Variants in ASTN2 observed in about 807,000 individuals in gnomAD.
ASTN2 encodes the protein astrotactin 2, also known as astrotactin-2.
ASTN2 carries 54 observed loss-of-function variants against 139.8 expected under a neutral mutation model. That is an observed-to-expected ratio of 0.39 (90% CI 0.31 to 0.48). The LOEUF is 0.48. ASTN2 is among the 20% of genes least tolerant of loss of function. ASTN2 has a pLI of 0.95. For synonymous variants in ASTN2, 756 were observed against 719.5 expected, an observed-to-expected ratio of 1.05 and a Z score of -0.81; for missense variants, 1,565 against 1,725.1, an observed-to-expected ratio of 0.91 and a Z score of 1.64.
chr9:117,145,884 A>G (rs1297709190), intron 3 of ASTN2, among the ~76,000 whole-genome samples: 1 of 151,724 alleles, frequency 6.6e-6, no homozygotes, highest in Non-Finnish European at 1.5e-5. Flanking sequence ...CCATTTTGCA[A>G]TTTCTGTCTT....
chr9:116,766,128 T>C (rs566584116), intron 13 of ASTN2, among the ~76,000 whole-genome samples: 36 of 152,164 alleles, frequency 2.4e-4, no homozygotes, highest in African/African-American at 8.0e-4. Context: ...ATAGTTATTA[T>C]AAAGATCCCG....
chr9:117,157,820 T>G (rs1299909196), intron 3 of ASTN2, among the ~76,000 whole-genome samples: 1 of 151,970 alleles, frequency 6.6e-6, no homozygotes, highest in South Asian at 2.1e-4. Flanking sequence ...AGCTACACAT[T>G]TGAAGTTTAG....
chr9:117,409,076 C>G (rs1475126292), intron 1 of ASTN2, among the ~76,000 whole-genome samples: 1 of 152,132 alleles, frequency 6.6e-6, no homozygotes, highest in Non-Finnish European at 1.5e-5. Context: ...TCTCAATTAG[C>G]AGTAAAGGAC....
chr9:117,408,928 A>G (rs946731187), intron 1 of ASTN2, among the ~76,000 whole-genome samples: 3 of 152,146 alleles, frequency 2.0e-5, no homozygotes, highest in African/African-American at 7.2e-5. Context: ...GGAGTGAGGG[A>G]AGTGAGTGGA....
At chr9:116,884,270 T>G (rs1588382239) in intron 10 of ASTN2, among the ~76,000 whole-genome samples, 1 of 152,068 alleles carries the variant, frequency 6.6e-6, no homozygotes, top group Admixed American at 6.5e-5. Flanking sequence ...GGGACCTGGA[T>G]TCCAAGAGAA....
At chr9:116,618,986 T>C (rs1188325047) in intron 18 of ASTN2, among the ~76,000 whole-genome samples, 1 of 152,076 alleles carries the variant, frequency 6.6e-6, no homozygotes, top group East Asian at 1.9e-4. Context: ...AGAACTAGAA[T>C]GGTCCTTAGA....
chr9:117,005,809 G>A (rs939783483), intron 7 of ASTN2, among the ~76,000 whole-genome samples: 2 of 152,018 alleles, frequency 1.3e-5, no homozygotes, highest in African/African-American at 4.8e-5. Context: ...CTGTGACCCA[G>A]GGACAGAAGA....
chr9:116,904,430 C>T (rs1343667716), intron 10 of ASTN2, among the ~76,000 whole-genome samples: 1 of 152,152 alleles, frequency 6.6e-6, no homozygotes, highest in African/African-American at 2.4e-5. Flanking sequence ...AGAGGCTGTA[C>T]TGTGTTGTGG....
At chr9:117,396,015 A>G (rs1455622185) in intron 1 of ASTN2, among the ~76,000 whole-genome samples, 1 of 152,132 alleles carries the variant, frequency 6.6e-6, no homozygotes, top group African/African-American at 2.4e-5. Context: ...TTTCTCATCT[A>G]TAAAATAGGG....
intron 1 of ASTN2, among the ~76,000 whole-genome samples, chr9:117,406,566 T>G (rs1368711192): frequency 6.6e-6 from 1 of 152,090 alleles, no homozygotes; most frequent in South Asian, 2.1e-4. Flanking sequence ...GGTGTGCTCC[T>G]AAGCTAGATA....
intron 2 of ASTN2, among the ~76,000 whole-genome samples, chr9:117,257,861 C>G (rs552082762): frequency 1.3e-5 from 2 of 152,220 alleles, no homozygotes; most frequent in African/African-American, 2.4e-5. Context: ...GCTCTGCCCT[C>G]TTTTCCATTG....
At chr9:117,270,050 G>T (rs1834027867) in intron 2 of ASTN2, among the ~76,000 whole-genome samples, 1 of 152,090 alleles carries the variant, frequency 6.6e-6, no homozygotes, top group Non-Finnish European at 1.5e-5. Context: ...TAGGAAATTT[G>T]GGATTTAAAC....
intron 19 of ASTN2, chr9:116,552,014 CACATAT>C (rs57826034): frequency 4.5e-4 from 68 of 151,960 alleles, no homozygotes; most frequent in African/African-American, 1.5e-3. Context: ...CATATACATA[CACATAT>C]ACATATACAT....
chr9:117,280,386 G>GA (rs1834296373), intron 2 of ASTN2, among the ~76,000 whole-genome samples: 1 of 151,858 alleles, frequency 6.6e-6, no homozygotes, highest in Non-Finnish European at 1.5e-5. Context: ...ATCTTATTTG[G>GA]AAAAAAGGGT....
intron 19 of ASTN2, chr9:116,557,710 T>C (rs931729266): frequency 2.0e-5 from 3 of 152,222 alleles, no homozygotes; most frequent in African/African-American, 7.2e-5. Flanking sequence ...TCTTTTGACA[T>C]TGTGGCATGT....
intron 5 of ASTN2, among the ~76,000 whole-genome samples, chr9:117,074,135 G>T (rs1177179682): frequency 2.0e-5 from 3 of 152,132 alleles, no homozygotes; most frequent in Non-Finnish European, 4.4e-5. Context: ...GGGGTTATCT[G>T]GGATTCTTAT....
intron 13 of ASTN2, among the ~76,000 whole-genome samples, chr9:116,738,839 G>A (rs894529167): frequency 6.6e-6 from 1 of 152,158 alleles, no homozygotes; most frequent in East Asian, 1.9e-4. Flanking sequence ...TCAGTGAATC[G>A]ATCCCAAGCC....
intron 11 of ASTN2, among the ~76,000 whole-genome samples, chr9:116,830,287 A>T (rs1216531275): frequency 6.6e-6 from 1 of 152,240 alleles, no homozygotes; most frequent in Non-Finnish European, 1.5e-5. Context: ...GTGAGATACC[A>T]TCTCACACCA....
intron 10 of ASTN2, among the ~76,000 whole-genome samples, chr9:116,942,638 C>A (rs538483765): frequency 5.4e-4 from 82 of 152,354 alleles, no homozygotes; most frequent in African/African-American, 1.9e-3. Context: ...ACACACTCAA[C>A]CTGAAAGGAA....
Sources: allele counts gnomAD v4.1 joint callset (sites outside exome capture counted in the v4.1 genomes callset), GRCh38; gene constraint gnomAD v4.1.1; transcripts MANE v1.5; gene names NCBI Gene and HGNC (gene_info 2026-07-23, HGNC 2026-07-21).